The following HS6ST3 variants were observed in gnomAD, a reference collection of about 807,000 sequenced individuals.
The protein encoded by HS6ST3 is heparan-sulfate 6-O-sulfotransferase 3.
HS6ST3 carries 12 observed loss-of-function variants against 36.7 expected under a neutral mutation model. The ratio of observed to expected loss-of-function variants is 0.33; its 90% confidence interval spans 0.21 to 0.53. The LOEUF (loss-of-function observed/expected upper bound fraction) is 0.53. Ranked by LOEUF, HS6ST3 falls within the 20% of genes least tolerant of loss-of-function variation. The probability of loss-of-function intolerance (pLI) is 0.95; values close to 1 mark genes in which losing one functional copy is unlikely to be tolerated. For missense variants in HS6ST3, 584 were observed against 640.9 expected (o/e 0.91, Z 0.96); for synonymous variants, 240 against 257.5 (o/e 0.93, Z 0.65).
intron 1 of HS6ST3, among the ~76,000 whole-genome samples, chr13:96,775,042 A>G (rs147688326): frequency 1.9e-3 from 286 of 152,318 alleles, no homozygotes; most frequent in African/African-American, 6.4e-3. Flanking sequence ...ATTCTTAAAG[A>G]AAAGAATTTT....
intron 1 of HS6ST3, among the ~76,000 whole-genome samples, chr13:96,805,529 C>G (rs1878179113): frequency 1.3e-5 from 2 of 152,288 alleles, no homozygotes; most frequent in South Asian, 4.1e-4. Flanking sequence ...ACGACAATGA[C>G]AGTCATGATG....
intron 1 of HS6ST3, among the ~76,000 whole-genome samples, chr13:96,541,283 C>T (rs142648344): frequency 1.8e-3 from 270 of 152,210 alleles, no homozygotes; most frequent in African/African-American, 6.2e-3. Flanking sequence ...ATGATCCACC[C>T]GCCTTAGCCT....
At chr13:96,829,629 C>T (rs1188830019) in intron 1 of HS6ST3, among the ~76,000 whole-genome samples, 3 of 152,164 alleles carry the variant, frequency 2.0e-5, no homozygotes, top group Admixed American at 6.5e-5. Context: ...TGGCCTCCAA[C>T]TCTATCCATG....
At chr13:96,279,053 A>G (rs2054762088) in intron 1 of HS6ST3, among the ~76,000 whole-genome samples, 1 of 152,166 alleles carries the variant, frequency 6.6e-6, no homozygotes, top group African/African-American at 2.4e-5. Flanking sequence ...TCATCCTCAA[A>G]GATCTTATAA....
At position 96,435,650 on chromosome 13, in the gene HS6ST3, G is replaced by A. The variant is rs75388944; in HGVS notation, c.707+344081G>A. Among the ~76,000 whole-genome samples, 16 of 152,312 alleles carry A rather than the reference G, an allele frequency of 1.1e-4. No homozygotes were observed. The East Asian group carries it at 2.7e-3, about 26-fold the overall frequency. On this transcript the variant is annotated intron_variant, in intron 1 of 1. Transcript: ENST00000376705. ...CCCTCGCATATTGGTTAAGTGAATA[G>A]ATGGAGAATTCCCTCATTCCCTTGA...
chr13:96,824,142 T>C (rs1333114103), intron 1 of HS6ST3, among the ~76,000 whole-genome samples: 1 of 152,236 alleles, frequency 6.6e-6, no homozygotes, highest in Admixed American at 6.5e-5. Flanking sequence ...ATCTTACCTA[T>C]TGAAGAGAGT....
chr13:96,737,700 A>G (rs1372739711), intron 1 of HS6ST3, among the ~76,000 whole-genome samples: 1 of 152,062 alleles, frequency 6.6e-6, no homozygotes, highest in East Asian at 1.9e-4. Flanking sequence ...GTTAAATCAC[A>G]GAAAACTCTC....
chr13:96,587,149 G>A (rs1304518680), intron 1 of HS6ST3, among the ~76,000 whole-genome samples: 1 of 152,052 alleles, frequency 6.6e-6, no homozygotes, highest in Non-Finnish European at 1.5e-5. Flanking sequence ...CCATTGGTCT[G>A]TGTCTGTTTT....
At chr13:96,723,392 T>G (rs1875903137) in intron 1 of HS6ST3, among the ~76,000 whole-genome samples, 1 of 152,256 alleles carries the variant, frequency 6.6e-6, no homozygotes, top group Non-Finnish European at 1.5e-5. Context: ...CAGAATAAAC[T>G]TGGGTGGCTC....
At chr13:96,643,989 A>T (rs1198683929) in intron 1 of HS6ST3, among the ~76,000 whole-genome samples, 1 of 151,930 alleles carries the variant, frequency 6.6e-6, no homozygotes, top group African/African-American at 2.4e-5. Flanking sequence ...GTTATAAAAA[A>T]GTTGATTCTG....
intron 1 of HS6ST3, among the ~76,000 whole-genome samples, chr13:96,469,946 AT>A (rs2138889655): frequency 6.6e-6 from 1 of 152,328 alleles, no homozygotes; most frequent in African/African-American, 2.4e-5. Flanking sequence ...TAAAAACACT[AT>A]TAATTTTAAG....
chr13:96,631,167 A>G (rs1398641488), intron 1 of HS6ST3, among the ~76,000 whole-genome samples: 1 of 152,130 alleles, frequency 6.6e-6, no homozygotes, highest in Non-Finnish European at 1.5e-5. Context: ...TCAGGCAGGC[A>G]CCTTGGTTTC....
intron 1 of HS6ST3, among the ~76,000 whole-genome samples, chr13:96,737,327 A>G (rs1461790252): frequency 6.6e-6 from 1 of 152,224 alleles, no homozygotes; most frequent in Non-Finnish European, 1.5e-5. Flanking sequence ...ACATATTTCT[A>G]TAAAAGAGAT....
chr13:96,641,675 CT>C (rs1390001294), intron 1 of HS6ST3, among the ~76,000 whole-genome samples: 3 of 151,612 alleles, frequency 2.0e-5, no homozygotes, highest in Admixed American at 6.6e-5. Flanking sequence ...TTTTGAGTTA[CT>C]TTCTTAGTGG....
At chr13:96,405,766 G>T (rs1041290262) in intron 1 of HS6ST3, among the ~76,000 whole-genome samples, 1 of 152,332 alleles carries the variant, frequency 6.6e-6, no homozygotes, top group South Asian at 2.1e-4. Context: ...AAAAGGACAG[G>T]TTTGCAAGAA....
rs536432320 is a variant in HS6ST3 at position 96,139,889 on chromosome 13, C to A, written c.707+48320C>A. Among the ~76,000 whole-genome samples the A allele has an allele frequency of 5.3e-5, 8 of 152,116 alleles. No individual in the cohort carries two copies. In the East Asian group the frequency reaches 1.5e-3, roughly 29 times the overall value. ...TGGGTGCAGTACTTGGGCCTAAAACCAAGTATCCACAGTCTACCCTTAAAC... is the reference window on the plus strand; with the variant it reads ...TGGGTGCAGTACTTGGGCCTAAAACAAAGTATCCACAGTCTACCCTTAAAC... On this transcript the variant is annotated intron_variant, in intron 1 of 1. Coordinates refer to ENST00000376705, the MANE Select transcript of HS6ST3 (RefSeq NM_153456.4).
chr13:96,352,268 G>A lies in HS6ST3; in HGVS notation c.707+260699G>A, dbSNP rs114242426. Among the ~76,000 whole-genome samples the A allele has an allele frequency of 6.6e-3, 1,007 of 152,304 alleles. 10 individuals carry two copies. Among genetic ancestry groups the A allele is most frequent in the African/African-American group, 0.023 (963 of 41,566 alleles). On this transcript the variant is annotated intron_variant, in intron 1 of 1. Transcript: ENST00000376705. ...TAGTTTCTGTGTGTCAGGAATTTGC[G>A]AACAGTTTTGTTGGATGGTTCTGGG...
rs1348032970 is a variant in HS6ST3 at position 96,654,732 on chromosome 13, A to AT, written c.708-177753dup. On this transcript the variant is annotated intron_variant, in intron 1 of 1. Coordinates refer to ENST00000376705, the MANE Select transcript of HS6ST3 (RefSeq NM_153456.4). Reference sequence around the variant, plus strand: ...ATGAATATGATGCGATGTATGAAATATTTTTAATTTTTTTAAACTACTGCT... The same window carrying AT: ...ATGAATATGATGCGATGTATGAAATATTTTTTAATTTTTTTAAACTACTGCT... Among the ~76,000 whole-genome samples, 4 of 152,102 alleles carry AT rather than the reference A, an allele frequency of 2.6e-5. No individual in the cohort carries two copies. The East Asian group carries it at 7.7e-4, about 29-fold the overall frequency.
intron 1 of HS6ST3, among the ~76,000 whole-genome samples, chr13:96,269,528 T>C (rs751839284): frequency 2.0e-5 from 3 of 152,006 alleles, no homozygotes; most frequent in Non-Finnish European, 4.4e-5. Flanking sequence ...CGTGCACTTC[T>C]GCCTGTTCAG....
Sources: allele counts gnomAD v4.1 joint callset (sites outside exome capture counted in the v4.1 genomes callset), GRCh38; gene constraint gnomAD v4.1.1; transcripts MANE v1.5; gene names NCBI Gene and HGNC (gene_info 2026-07-23, HGNC 2026-07-21).